CA8: variants seen among roughly 807,000 people sequenced by gnomAD.
CA8 encodes the protein carbonic anhydrase 8 (inactive), also known as carbonic anhydrase-related protein.
Under a neutral mutation model 41.4 loss-of-function variants are expected in CA8, and 22 were observed. The ratio of observed to expected loss-of-function variants is 0.53; its 90% confidence interval spans 0.38 to 0.76. The LOEUF (loss-of-function observed/expected upper bound fraction) is 0.76, where lower values mean the gene tolerates loss of function less well. CA8 is among the 30% of genes least tolerant of loss of function. The probability of loss-of-function intolerance (pLI) is 0.00; values close to 1 mark genes in which losing one functional copy is unlikely to be tolerated. For synonymous variants in CA8, 121 were observed against 130.6 expected, an observed-to-expected ratio of 0.93 and a Z score of 0.50; for missense variants, 270 against 352.8, an observed-to-expected ratio of 0.77 and a Z score of 1.88.
intron 3 of CA8, among the ~76,000 whole-genome samples, chr8:60,241,601 G>A (rs1808030194): frequency 6.6e-6 from 1 of 152,046 alleles, no homozygotes; most frequent in South Asian, 2.1e-4. Context: ...TAAAAGATTG[G>A]GAAAAGCTTG....
intron 3 of CA8, among the ~76,000 whole-genome samples, chr8:60,253,307 C>A (rs1298437444): frequency 1.3e-5 from 2 of 152,026 alleles, no homozygotes; most frequent in African/African-American, 4.8e-5. Context: ...AGTTAAAATT[C>A]ATCAGCTTCC....
In CA8 at chr8:60,189,547, G is replaced by T. The variant is rs141401360; in HGVS notation, c.*474C>A. The stretch of plus-strand genomic sequence containing the variant: ...ACTTTGCATTTTGAAGCTCTATGCT[G>T]TTCTTAATCAAAACTCTTATTTTAT... On this transcript the variant is annotated 3_prime_UTR_variant, in exon 9 of 9. Transcript: ENST00000317995. 4.6e-5 allele frequency: 7 copies of T among 152,148 alleles called. No individual in the cohort carries two copies. Among genetic ancestry groups the T allele is most frequent in the Non-Finnish European group, 1.0e-4 (7 of 67,982 alleles). 9.4% of individuals were successfully genotyped at this position (152,148 alleles called of 1,614,324 possible).
In CA8 at chr8:60,196,536, G is replaced by T. The variant is rs562008192; in HGVS notation, c.*36-6551C>A. 3.9e-5 allele frequency among the ~76,000 whole-genome samples: 6 copies of T among 152,190 alleles called. No homozygotes were observed. The South Asian group carries it at 1.2e-3, about 32-fold the overall frequency. On this transcript the variant is annotated intron_variant, in intron 8 of 8. Coordinates refer to ENST00000317995, the MANE Select transcript of CA8 (RefSeq NM_004056.6). The stretch of plus-strand genomic sequence containing the variant: ...TTGTGAGAACAGAGAATTATAAAAT[G>T]CATGACAGACATAAAAAAACTTTAA...
At chr8:60,192,382 T>C (rs1250540502) in intron 8 of CA8, among the ~76,000 whole-genome samples, 1 of 152,156 alleles carries the variant, frequency 6.6e-6, no homozygotes, top group Non-Finnish European at 1.5e-5. Flanking sequence ...ACAGCAGATA[T>C]CATGTGCTGA....
intron 3 of CA8, among the ~76,000 whole-genome samples, chr8:60,258,725 C>A (rs1362654385): frequency 6.6e-6 from 1 of 152,132 alleles, no homozygotes; most frequent in Non-Finnish European, 1.5e-5. Context: ...AGTAACAGAT[C>A]ATCAGGCATT....
chr8:60,215,358 T>TACACACATACACAC (rs1806981462), intron 7 of CA8, among the ~76,000 whole-genome samples: 1 of 144,102 alleles, frequency 6.9e-6, no homozygotes, highest in Non-Finnish European at 1.5e-5. Flanking sequence ...TGTGTGTGTA[T>TACACACATACACAC]ACACACACAC....
chr8:60,213,770 T>G (rs1176673594), intron 7 of CA8, among the ~76,000 whole-genome samples: 3 of 152,058 alleles, frequency 2.0e-5, no homozygotes, highest in Non-Finnish European at 2.9e-5. Context: ...TTTTGACTTT[T>G]TTTTTTTTTT....
At chr8:60,219,569 T>TG (rs1240905332) in intron 7 of CA8, among the ~76,000 whole-genome samples, 3 of 152,154 alleles carry the variant, frequency 2.0e-5, no homozygotes, top group African/African-American at 7.2e-5. Flanking sequence ...CTCCTCCAAC[T>TG]GGGGATACAG....
At chr8:60,248,065 G>A (rs951705602) in intron 3 of CA8, among the ~76,000 whole-genome samples, 1 of 151,046 alleles carries the variant, frequency 6.6e-6, no homozygotes, top group Non-Finnish European at 1.5e-5. Context: ...TTTGAGAAGT[G>A]TCTGTTCATA....
intron 7 of CA8, among the ~76,000 whole-genome samples, chr8:60,216,049 G>A (rs896217062): frequency 1.3e-5 from 2 of 152,066 alleles, no homozygotes; most frequent in African/African-American, 4.8e-5. Context: ...CAGCTATGTG[G>A]AAACTACCTG....
At chr8:60,265,798 A>G (rs1803883539) in intron 3 of CA8, 127 bp downstream of exon 3, 1 of 1,074,834 alleles carries the variant, frequency 9.3e-7, no homozygotes, top group Non-Finnish European at 1.4e-6. Flanking sequence ...AGCATTTTTT[A>G]AATTTTAGTA....
At chr8:60,217,216 C>T (rs1807052300) in intron 7 of CA8, among the ~76,000 whole-genome samples, 1 of 152,200 alleles carries the variant, frequency 6.6e-6, no homozygotes, top group South Asian at 2.1e-4. Flanking sequence ...AAGATCTGAT[C>T]TACTTTTAGG....
intron 3 of CA8, among the ~76,000 whole-genome samples, chr8:60,235,968 A>G (rs1247633981): frequency 6.6e-6 from 1 of 152,226 alleles, no homozygotes; most frequent in East Asian, 1.9e-4. Context: ...AATATAAGCT[A>G]GGAGGATACC....
At chr8:60,272,168 C>A (rs116206997) in intron 2 of CA8, among the ~76,000 whole-genome samples, 2,786 of 152,240 alleles carry the variant, frequency 0.018, 100 homozygotes, top group African/African-American at 0.063. Flanking sequence ...CCTCCACATC[C>A]CTGCTCCACA....
chr8:60,248,311 C>T (rs1808321823), intron 3 of CA8, among the ~76,000 whole-genome samples: 1 of 152,114 alleles, frequency 6.6e-6, no homozygotes, highest in Admixed American at 6.6e-5. Flanking sequence ...GTGTTTCCGT[C>T]ACGAAATCTT....
intron 3 of CA8, among the ~76,000 whole-genome samples, chr8:60,234,389 C>T (rs6997187): frequency 0.034 from 5,170 of 152,186 alleles, 272 homozygotes; most frequent in African/African-American, 0.11. Context: ...CTAAGGAAAT[C>T]CAAATAAAAT....
chr8:60,244,955 C>T (rs1202005750), intron 3 of CA8, among the ~76,000 whole-genome samples: 3 of 152,112 alleles, frequency 2.0e-5, no homozygotes, highest in African/African-American at 4.8e-5. Flanking sequence ...ACCTAAGTGA[C>T]CTTGGGCAAC....
chr8:60,243,808 A>G (rs1235553769), intron 3 of CA8, among the ~76,000 whole-genome samples: 1 of 152,148 alleles, frequency 6.6e-6, no homozygotes, highest in African/African-American at 2.4e-5. Flanking sequence ...CAGCAGTTCC[A>G]TCGCAGGCTC....
intron 6 of CA8, among the ~76,000 whole-genome samples, chr8:60,223,741 T>C (rs906476530): frequency 6.6e-6 from 1 of 152,222 alleles, no homozygotes; most frequent in Non-Finnish European, 1.5e-5. Flanking sequence ...GATGGATAAA[T>C]GGTTAACATA....
Sources: allele counts gnomAD v4.1 joint callset (sites outside exome capture counted in the v4.1 genomes callset), GRCh38; gene constraint gnomAD v4.1.1; transcripts MANE v1.5; gene names NCBI Gene and HGNC (gene_info 2026-07-23, HGNC 2026-07-21).